NTNG1: variants seen among roughly 807,000 people sequenced by gnomAD.
NTNG1 encodes the protein netrin-G1.
Under a neutral mutation model 54.0 loss-of-function variants are expected in NTNG1, and 16 were observed. The observed-to-expected ratio is 0.30, with a 90% CI of 0.20 to 0.45. NTNG1 has a LOEUF of 0.45. Ranked by LOEUF, NTNG1 falls within the 20% of genes least tolerant of loss-of-function variation. The pLI is 1.00. For synonymous variants in NTNG1, 255 were observed against 263.1 expected (o/e 0.97, Z 0.30); for missense variants, 530 against 678.7 (o/e 0.78, Z 2.43).
intron 2 of NTNG1, among the ~76,000 whole-genome samples, chr1:107,238,903 TA>T (rs772230724): frequency 1.1e-3 from 163 of 145,380 alleles, no homozygotes; most frequent in African/African-American, 2.7e-3. Context: ...TGTATTAAGG[TA>T]AAAAAAAAAA....
At chr1:107,168,894 A>G (rs955324988) in intron 2 of NTNG1, among the ~76,000 whole-genome samples, 6 of 152,126 alleles carry the variant, frequency 3.9e-5, no homozygotes, top group Non-Finnish European at 7.4e-5. Flanking sequence ...CATGTTTTTG[A>G]CAGACTGAAA....
intron 2 of NTNG1, among the ~76,000 whole-genome samples, chr1:107,194,878 T>C (rs1395558704): frequency 1.3e-5 from 2 of 152,000 alleles, no homozygotes; most frequent in Non-Finnish European, 2.9e-5. Flanking sequence ...TACACAGATT[T>C]TATCGTTTGA....
At chr1:107,475,517 C>A (rs556282641) in intron 7 of NTNG1, among the ~76,000 whole-genome samples, 1 of 152,110 alleles carries the variant, frequency 6.6e-6, no homozygotes, top group Non-Finnish European at 1.5e-5. Context: ...GTCTTAGATC[C>A]CAGTCTCCTA....
chr1:107,428,804 A>G (rs1675065946), intron 5 of NTNG1, among the ~76,000 whole-genome samples: 3 of 152,122 alleles, frequency 2.0e-5, no homozygotes, highest in Admixed American at 2.0e-4. Flanking sequence ...CAGTATAAAC[A>G]AGGCGTAACT....
chr1:107,236,658 T>C (rs188503562), intron 2 of NTNG1, among the ~76,000 whole-genome samples: 25 of 152,134 alleles, frequency 1.6e-4, no homozygotes, highest in Non-Finnish European at 2.9e-4. Context: ...CAGTGGGAGG[T>C]AATTGACTCA....
Position 107,324,912 on chromosome 1 carries a change from G to C in NTNG1, c.877G>C (p.Val293Leu). ...RYFYAISDIK[V>L]RGRCKCNLHA... ...CTTTTACGCGATCTCAGACATAAAG[G>C]TGCGAGGAAGGTAAGAGAAAATCTG... is the stretch of plus-strand genomic sequence containing the variant. Residue 293 changes from valine to leucine, a missense_variant, in exon 3 of 8, where the codon GTG becomes CTG. This residue lies in a region of NTNG1 where 318 missense variants were observed against 465.1 expected (regional missense o/e 0.68). Coordinates refer to ENST00000370068, the MANE Select transcript of NTNG1 (RefSeq NM_001113226.3). 2 of 1,607,878 alleles carry C rather than the reference G, an allele frequency of 1.2e-6. No homozygotes were observed. Among genetic ancestry groups the C allele is most frequent in the Non-Finnish European group, 1.7e-6 (2 of 1,176,030 alleles).
At chr1:107,254,741 G>T (rs999636722) in intron 2 of NTNG1, among the ~76,000 whole-genome samples, 2 of 152,208 alleles carry the variant, frequency 1.3e-5, no homozygotes, top group Non-Finnish European at 2.9e-5. Flanking sequence ...AAATAGAACA[G>T]ACTTTTGTTT....
chr1:107,361,409 GAC>G (rs1218718302), intron 3 of NTNG1, among the ~76,000 whole-genome samples: 3 of 39,902 alleles, frequency 7.5e-5, no homozygotes, highest in South Asian at 5.7e-4. Context: ...TTTTTTTTGA[GAC>G]ACAGTTTCGC....
Position 107,275,237 on chromosome 1 carries a change from C to T in NTNG1, c.247-49045C>T, listed in dbSNP as rs543470908. ...ACTAAAAATACAAAAATTAGCCAGG[C>T]GTGGTGGCAGATGCCTATAACCTCA... On this transcript the variant is annotated intron_variant, in intron 2 of 7. Transcript: ENST00000370068. 3.7e-3 allele frequency among the ~76,000 whole-genome samples: 568 copies of T among 152,050 alleles called. 2 individuals are homozygous for T. The highest frequency in any genetic ancestry group is 4.5e-3 in the Non-Finnish European group (309 of 67,976).
At chr1:107,232,897 G>A (rs943880895) in intron 2 of NTNG1, among the ~76,000 whole-genome samples, 1 of 152,190 alleles carries the variant, frequency 6.6e-6, no homozygotes, top group East Asian at 1.9e-4. Context: ...ACAAATTAAA[G>A]CTGGAAGCTC....
chr1:107,366,130 A>G (rs754250444), intron 3 of NTNG1, among the ~76,000 whole-genome samples: 2 of 152,074 alleles, frequency 1.3e-5, no homozygotes, highest in Admixed American at 6.6e-5. Context: ...CATAGCAGAG[A>G]GTTAAGTAAT....
chr1:107,196,503 G>A (rs1380829306), intron 2 of NTNG1, among the ~76,000 whole-genome samples: 1 of 151,968 alleles, frequency 6.6e-6, no homozygotes, highest in Non-Finnish European at 1.5e-5. Context: ...GTAGATCGTG[G>A]GAAGTAGTGG....
intron 3 of NTNG1, among the ~76,000 whole-genome samples, chr1:107,335,666 T>C (rs1315304901): frequency 6.7e-6 from 1 of 149,512 alleles, no homozygotes; most frequent in Admixed American, 6.8e-5. Flanking sequence ...TATGATTTTC[T>C]ATTTTTTTTC....
intron 3 of NTNG1, among the ~76,000 whole-genome samples, chr1:107,379,670 G>A (rs560164915): frequency 6.6e-6 from 1 of 152,278 alleles, no homozygotes; most frequent in African/African-American, 2.4e-5. Context: ...AATAATGATA[G>A]CAAGCACTAT....
intron 2 of NTNG1, among the ~76,000 whole-genome samples, chr1:107,284,933 G>A (rs1570584666): frequency 6.6e-6 from 1 of 152,026 alleles, no homozygotes; most frequent in Non-Finnish European, 1.5e-5. Context: ...ACACAGGGAG[G>A]AGTACAGGAT....
At chr1:107,365,923 A>G (rs1350190120) in intron 3 of NTNG1, among the ~76,000 whole-genome samples, 1 of 152,224 alleles carries the variant, frequency 6.6e-6, no homozygotes, top group African/African-American at 2.4e-5. Flanking sequence ...ACAATTCCAC[A>G]GAAACTCAAT....
At chr1:107,400,969 G>A (rs559736315) in intron 4 of NTNG1, among the ~76,000 whole-genome samples, 10 of 152,086 alleles carry the variant, frequency 6.6e-5, no homozygotes, top group Non-Finnish European at 1.5e-4. Flanking sequence ...AATTACTTTT[G>A]TGAGTGGATA....
Position 107,321,107 on chromosome 1 carries a change from T to C in NTNG1, c.247-3175T>C, listed in dbSNP as rs115531154. On this transcript the variant is annotated intron_variant, in intron 2 of 7. Transcript: ENST00000370068. Reference sequence around the variant, plus strand: ...TCCCAAAATAAAATTACAATCACCATTGCTTCCTTTAATTGGCTTTATTTT... The same window carrying C: ...TCCCAAAATAAAATTACAATCACCACTGCTTCCTTTAATTGGCTTTATTTT... 2.3e-3 allele frequency among the ~76,000 whole-genome samples: 346 copies of C among 152,222 alleles called. 3 individuals are homozygous for C. Among genetic ancestry groups the C allele is most frequent in the African/African-American group, 7.5e-3 (311 of 41,562 alleles).
At chr1:107,453,125 A>C (rs1676721990) in intron 7 of NTNG1, among the ~76,000 whole-genome samples, 1 of 152,210 alleles carries the variant, frequency 6.6e-6, no homozygotes, top group African/African-American at 2.4e-5. Context: ...AACAGTGGTC[A>C]GCATTAATCC....
Sources: allele counts gnomAD v4.1 joint callset (sites outside exome capture counted in the v4.1 genomes callset), GRCh38; gene constraint gnomAD v4.1.1; regional missense constraint gnomAD v4.1.1; transcripts MANE v1.5; gene names NCBI Gene and HGNC (gene_info 2026-07-23, HGNC 2026-07-21).